Variants in VSIG4 observed in about 807,000 individuals in gnomAD.
The protein encoded by VSIG4 is V-set and immunoglobulin domain containing 4.
In VSIG4, 34 loss-of-function variants were observed where a neutral mutation model predicts 23.4. That is an observed-to-expected ratio of 1.45 (90% confidence interval 1.10 to 1.93). The LOEUF is 1.93. Ranked by LOEUF, VSIG4 falls within the 30% of genes most tolerant of loss-of-function variation. The probability of loss-of-function intolerance (pLI) is 0.00; values close to 1 mark genes in which losing one functional copy is unlikely to be tolerated. For missense variants in VSIG4, 433 were observed against 310.8 expected, an observed-to-expected ratio of 1.39 and a Z score of -2.96; for synonymous variants, 169 against 120.3, an observed-to-expected ratio of 1.41 and a Z score of -2.65.
chrX:66,037,639 T>A (rs1395963912), intron 1 of VSIG4, among the ~76,000 whole-genome samples: 1 of 84,302 alleles, frequency 1.2e-5, no homozygotes, highest in African/African-American at 4.6e-5. Flanking sequence ...TAATATATAA[T>A]AATTATATAA....
chrX:66,037,889 G>A (rs2085637089), intron 1 of VSIG4, among the ~76,000 whole-genome samples: 1 of 107,064 alleles, frequency 9.3e-6, no homozygotes, highest in Admixed American at 1.0e-4. Flanking sequence ...TGGCACTGAA[G>A]AAAAGAAAGG....
rs771997844 is a variant in VSIG4 at position 66,033,634 on chromosome X, G to T, written c.252C>A (p.Gly84=). The T allele has an allele frequency of 9.9e-6, 12 of 1,209,387 alleles. No homozygotes were observed. Among genetic ancestry groups the T allele is most frequent in the Non-Finnish European group, 1.3e-5 (12 of 895,031 alleles). ...GDHIQQAKYQ[G]RLHVSHKVPG... ...GAACCTTGTGGCTCACATGCAGGCG[G>T]CCCTGGTACTTTGCCTGCTGGATAT... Residue 84 remains glycine, a synonymous_variant, in exon 2 of 8, where the codon GGC becomes GGA. Transcript: ENST00000374737.
chrX:66,032,324 A>G (rs924201089), intron 3 of VSIG4, 144 bp downstream of exon 3: 2 of 731,338 alleles, frequency 2.7e-6, no homozygotes, highest in Non-Finnish European at 3.9e-6. Flanking sequence ...CCCCAGTCCA[A>G]GTTTTTTTTC....
intron 1 of VSIG4, among the ~76,000 whole-genome samples, chrX:66,038,404 T>A (rs2085644508): frequency 9.1e-6 from 1 of 110,154 alleles, no homozygotes; most frequent in Non-Finnish European, 1.9e-5. Context: ...TGTGTACAAA[T>A]GGAAGGCCTG....
In VSIG4 at chrX:66,032,721, A is replaced by G; in HGVS notation, c.441T>C (p.Thr147=). 1.7e-6 allele frequency: 2 copies of G among 1,211,544 alleles called. No homozygotes were observed. Among genetic ancestry groups the G allele is most frequent in the Non-Finnish European group, 1.1e-6 (1 of 895,362 alleles). Residue 147 remains threonine (T), a synonymous_variant, in exon 3 of 8, where the codon ACT becomes ACC. Transcript: ENST00000374737. ...KLSVSKPTVT[T]GSGYGFTVPQ... ...GCACCGTGAAGCCATAACCGCTGCCAGTTGTCACTGTGGGCTTGGAGACAG... is the reference window on the plus strand; with the variant it reads ...GCACCGTGAAGCCATAACCGCTGCCGGTTGTCACTGTGGGCTTGGAGACAG...
At chrX:66,035,953 G>A (rs1048885869) in intron 1 of VSIG4, among the ~76,000 whole-genome samples, 8 of 111,760 alleles carry the variant, frequency 7.2e-5, no homozygotes, top group Non-Finnish European at 1.3e-4. Context: ...CTGGGAATTT[G>A]CTGGAAATTC....
intron 1 of VSIG4, among the ~76,000 whole-genome samples, chrX:66,036,801 T>A (rs1191518726): frequency 2.5e-5 from 1 of 39,355 alleles, no homozygotes; most frequent in Non-Finnish European, 3.8e-5. Context: ...ATATAATATA[T>A]TATATAATAT....
In VSIG4 at chrX:66,033,514, T is replaced by C; in HGVS notation, c.372A>G (p.Gln124=). ...EVTWQTPDGN[Q]VVRDKITELR... ...GCTCAGTAATCTTATCTCTCACGAC[T>C]TGGTTGCCATCAGGAGTCTGCCAGG... Residue 124 remains glutamine, a synonymous_variant, in exon 2 of 8, where the codon CAA becomes CAG. Transcript: ENST00000374737. The C allele has an allele frequency of 2.5e-6, 3 of 1,211,086 alleles. No individual in the cohort carries two copies. The highest frequency in any genetic ancestry group is 3.4e-6 in the Non-Finnish European group (3 of 895,135).
intron 1 of VSIG4, among the ~76,000 whole-genome samples, chrX:66,036,694 T>A (rs184620778): frequency 0.29 from 16,263 of 56,662 alleles, 4,036 homozygotes; most frequent in African/African-American, 0.79. Flanking sequence ...CGATATATTA[T>A]TAATATATTA....
intron 6 of VSIG4, among the ~76,000 whole-genome samples, chrX:66,024,663 G>A (rs1230397820): frequency 9.0e-6 from 1 of 111,711 alleles, no homozygotes; most frequent in Non-Finnish European, 1.9e-5. Flanking sequence ...TGAGCTCATA[G>A]CCTCTATTGC....
intron 1 of VSIG4, among the ~76,000 whole-genome samples, chrX:66,038,346 A>T (rs914984251): frequency 9.1e-6 from 1 of 110,104 alleles, no homozygotes; most frequent in Non-Finnish European, 1.9e-5. Flanking sequence ...GGAAGGTATT[A>T]TTTGCAGCTC....
Position 66,032,480 on chromosome X carries a change from A to G in VSIG4, c.682T>C (p.Phe228Leu). ...GAGGGCCGCTCACCTTTGACCACAA[A>G]CTTCACAATGTCGCTGTGCTGCTCA... is the stretch of plus-strand genomic sequence containing the variant. ...GSEQHSDIVK[F>L]VVKDSSKLLK... The change falls in exon 3 of 8, where the codon TTT becomes CTT. Residue 228 changes from phenylalanine to leucine, a missense_variant. Transcript: ENST00000374737. 3.3e-6 allele frequency: 4 copies of G among 1,209,230 alleles called. No individual in the cohort carries two copies. Among genetic ancestry groups the G allele is most frequent in the Non-Finnish European group, 4.5e-6 (4 of 893,758 alleles).
rs764717093 is a variant in VSIG4, at chrX:66,033,233, C to G, written c.412+241G>C. On this transcript the variant is annotated intron_variant, in intron 2 of 7. Transcript: ENST00000374737. ...AACTAGTCCATGGATACTGGCATTT[C>G]TGGGACACTCGAAGGGATAGAGATT... is the stretch of plus-strand genomic sequence containing the variant. 9.9e-5 allele frequency among the ~76,000 whole-genome samples: 11 copies of G among 111,061 alleles called. No homozygotes were observed. In the East Asian group the frequency reaches 2.8e-3, roughly 28 times the overall value.
Position 66,032,677 on chromosome X carries a change from C to A in VSIG4, c.485G>T (p.Ser162Ile). The A allele has an allele frequency of 8.3e-7, 1 of 1,211,608 alleles. No homozygotes were observed. The highest frequency in any genetic ancestry group is 1.1e-6 in the Non-Finnish European group (1 of 895,388). Residue 162 changes from serine (S) to isoleucine (I), a missense_variant, in exon 3 of 8, where the codon AGC becomes ATC. By Grantham distance (142) the Ser-to-Ile change is moderately radical. Transcript: ENST00000374737. ...AGAACCCCGAGCCTGGCATTGAAGGCTAATCCTCATTCCCTGGGGCACCGT... is the reference window on the plus strand; with the variant it reads ...AGAACCCCGAGCCTGGCATTGAAGGATAATCCTCATTCCCTGGGGCACCGT... ...GFTVPQGMRISLQCQARGSPP... is the reference protein window; with the variant it reads ...GFTVPQGMRIILQCQARGSPP...
chrX:66,027,775 T>C (rs1441918957), intron 4 of VSIG4, among the ~76,000 whole-genome samples: 1 of 112,443 alleles, frequency 8.9e-6, no homozygotes, highest in Non-Finnish European at 1.9e-5. Flanking sequence ...CAAGTCAAAC[T>C]AGGAGCAGAA....
chrX:66,036,999 T>G (rs2085581440), intron 1 of VSIG4, among the ~76,000 whole-genome samples: 1 of 27,910 alleles, frequency 3.6e-5, no homozygotes, highest in East Asian at 1.1e-3. Flanking sequence ...TAATATAATA[T>G]ATCATATAAT....
intron 7 of VSIG4, 35 bp from the exon 8 acceptor site, chrX:66,022,535 A>G (rs1602094039): frequency 8.3e-7 from 1 of 1,198,951 alleles, no homozygotes; most frequent in African/African-American, 1.7e-5. Context: ...ATAAGAAGGG[A>G]CTTGGGGCTG....
chrX:66,022,887 C>G (rs760183814), intron 6 of VSIG4, 25 bp from the exon 7 acceptor site: 2 of 1,205,761 alleles, frequency 1.7e-6, no homozygotes, highest in Non-Finnish European at 2.2e-6. Flanking sequence ...GGAATCATGT[C>G]AGAAGTTTTC....
rs372651416 is a variant in VSIG4 at position 66,033,543 on chromosome X, C to T, written c.343G>A (p.Val115Ile). Residue 115 changes from valine (V) to isoleucine (I), a missense_variant, in exon 2 of 8, where the codon GTC becomes ATC. Physicochemically the swap from Val to Ile is conservative, Grantham distance 29 (BLOSUM62 3). Coordinates refer to ENST00000374737, the MANE Select transcript of VSIG4 (RefSeq NM_007268.3). Reference protein sequence around the residue: ...MDDRSHYTCEVTWQTPDGNQV... With the variant: ...MDDRSHYTCEITWQTPDGNQV... ...TTGCCATCAGGAGTCTGCCAGGTGA[C>T]TTCACACGTGTAGTGGCTCCGGTCA... 16 of 1,209,761 alleles carry T rather than the reference C, an allele frequency of 1.3e-5. No homozygotes were observed. Among genetic ancestry groups the T allele is most frequent in the Middle Eastern group, 4.6e-4 (2 of 4,351 alleles).
Sources: gnomAD v4.1 joint callset for allele counts (sites outside exome capture counted in the v4.1 genomes callset) on GRCh38, gnomAD v4.1.1 for gene constraint, MANE v1.5 for transcripts, NCBI Gene and HGNC (gene_info 2026-07-23, HGNC 2026-07-21) for gene names.